The following MLLT3 variants were observed in gnomAD, a reference collection of about 807,000 sequenced individuals.
The protein encoded by MLLT3 is protein AF-9.
A neutral mutation model predicts 53.2 loss-of-function variants in MLLT3; 4 were observed. The observed-to-expected ratio is 0.08, with a 90% CI of 0.04 to 0.17. The LOEUF (loss-of-function observed/expected upper bound fraction) is 0.17. Ranked by LOEUF, MLLT3 falls within the 10% of genes least tolerant of loss-of-function variation. The pLI is 1.00. For synonymous variants in MLLT3, 283 were observed against 230.6 expected (o/e 1.23, Z -2.06); for missense variants, 569 against 684.0 (o/e 0.83, Z 1.87).
At chr9:20,357,596 G>A (rs533101116) in intron 8 of MLLT3, among the ~76,000 whole-genome samples, 1 of 152,306 alleles carries the variant, frequency 6.6e-6, no homozygotes, top group South Asian at 2.1e-4. Flanking sequence ...TCTACTGATA[G>A]ATCTTTCATA....
At chr9:20,358,017 T>TCACA (rs2118623581) in intron 8 of MLLT3, among the ~76,000 whole-genome samples, 1 of 118,016 alleles carries the variant, frequency 8.5e-6, no homozygotes, top group East Asian at 2.5e-4. Context: ...ACACACACAT[T>TCACA]CAAATACGAC....
chr9:20,442,074 TA>T (rs1208073838), intron 4 of MLLT3, among the ~76,000 whole-genome samples: 2 of 152,162 alleles, frequency 1.3e-5, no homozygotes, highest in African/African-American at 4.8e-5. Context: ...ATTTCCAATT[TA>T]AAATACATTA....
At chr9:20,423,262 T>G (rs964500546) in intron 4 of MLLT3, among the ~76,000 whole-genome samples, 2 of 152,116 alleles carry the variant, frequency 1.3e-5, no homozygotes, top group African/African-American at 4.8e-5. Flanking sequence ...AAATCAGCTG[T>G]CAATCTTGCC....
intron 2 of MLLT3, among the ~76,000 whole-genome samples, chr9:20,588,472 G>A (rs1335739799): frequency 6.6e-6 from 1 of 152,298 alleles, no homozygotes; most frequent in African/African-American, 2.4e-5. Flanking sequence ...TCCTACCCAT[G>A]AGCATGGAAC....
chr9:20,550,229 A>G (rs1201112105), intron 2 of MLLT3, among the ~76,000 whole-genome samples: 1 of 152,214 alleles, frequency 6.6e-6, no homozygotes, highest in African/African-American at 2.4e-5. Flanking sequence ...AAAGCACTTC[A>G]TGAGAGAAGT....
chr9:20,589,781 G>C (rs1042103889), intron 2 of MLLT3, among the ~76,000 whole-genome samples: 1 of 150,882 alleles, frequency 6.6e-6, no homozygotes, highest in South Asian at 2.1e-4. Flanking sequence ...TGCAATCTCG[G>C]CTCACTGCAA....
chr9:20,360,915 G>A lies in MLLT3; in HGVS notation c.1332-74C>T. Reference sequence around the variant, plus strand: ...TTGAAATACCCATAGAAATAGGCGTGGAAAGCACAGAATCCAAACACTAAC... The same window carrying A: ...TTGAAATACCCATAGAAATAGGCGTAGAAAGCACAGAATCCAAACACTAAC... On this transcript the variant is annotated intron_variant, in intron 7 of 10. Coordinates refer to ENST00000380338, the MANE Select transcript of MLLT3 (RefSeq NM_004529.4). The A allele has an allele frequency of 8.5e-6, 11 of 1,289,558 alleles. No individual in the cohort carries two copies. In the South Asian group the frequency reaches 1.2e-4, roughly 14 times the overall value. The allele number at this position is 1,289,558 out of a possible 1,614,324, so 79.9% of individuals were successfully genotyped here. A position where few individuals can be genotyped will look rare whatever the true frequency, so the allele number is the denominator to read the frequency against.
Position 20,465,178 on chromosome 9 carries a change from C to T in MLLT3, c.194-8392G>A, listed in dbSNP as rs10964565. On this transcript the variant is annotated intron_variant, in intron 2 of 10. Coordinates refer to ENST00000380338, the MANE Select transcript of MLLT3 (RefSeq NM_004529.4). ...AAGATAACAGGTGAAAAGCTATCTA[C>T]ACAAGGGAGGGAAATAGTGTTGCAG... Among the ~76,000 whole-genome samples the T allele has an allele frequency of 6.0e-3, 912 of 152,106 alleles. 6 individuals carry two copies. The highest frequency in any genetic ancestry group is 0.01 in the Non-Finnish European group (684 of 67,930).
chr9:20,528,364 C>T lies in MLLT3; in HGVS notation c.194-71578G>A, dbSNP rs117261943. Among the ~76,000 whole-genome samples, 235 of 152,250 alleles carry T rather than the reference C, an allele frequency of 1.5e-3. 6 individuals carry two copies. The East Asian group carries it at 0.041, about 26-fold the overall frequency. ...TGCTGTGTAGACAGGGATAGCACAC[C>T]GCCAAAACCCAACTGGTAACAGGAA... On this transcript the variant is annotated intron_variant, in intron 2 of 10. Coordinates refer to ENST00000380338, the MANE Select transcript of MLLT3 (RefSeq NM_004529.4).
At chr9:20,470,852 C>T (rs1824372712) in intron 2 of MLLT3, among the ~76,000 whole-genome samples, 2 of 151,950 alleles carry the variant, frequency 1.3e-5, no homozygotes, top group South Asian at 2.1e-4. Context: ...ACACATACCC[C>T]CTTCTAAATA....
chr9:20,615,929 T>A (rs1408380265), intron 2 of MLLT3, among the ~76,000 whole-genome samples: 1 of 151,620 alleles, frequency 6.6e-6, no homozygotes, highest in Non-Finnish European at 1.5e-5. Flanking sequence ...TGTCACTGTT[T>A]TTAAGAAAAT....
intron 5 of MLLT3, among the ~76,000 whole-genome samples, chr9:20,387,487 G>C (rs1298033590): frequency 6.6e-6 from 1 of 152,152 alleles, no homozygotes; most frequent in Non-Finnish European, 1.5e-5. Context: ...TGGAGGGGAA[G>C]CTTAACTCCT....
At chr9:20,520,839 C>T (rs1167492263) in intron 2 of MLLT3, among the ~76,000 whole-genome samples, 1 of 152,174 alleles carries the variant, frequency 6.6e-6, no homozygotes, top group Admixed American at 6.5e-5. Context: ...GAAGAGAATG[C>T]TGGCCATGGC....
In MLLT3 at chr9:20,448,753, T is replaced by C. The variant is rs1443245114; in HGVS notation, c.277-487A>G. 6.6e-6 allele frequency among the ~76,000 whole-genome samples: 1 copy of C among 152,218 alleles called. No individual in the cohort carries two copies. Among genetic ancestry groups the C allele is most frequent in the Non-Finnish European group, 1.5e-5 (1 of 68,034 alleles). On this transcript the variant is annotated intron_variant, in intron 3 of 10. Coordinates refer to ENST00000380338, the MANE Select transcript of MLLT3 (RefSeq NM_004529.4). The surrounding 1 kb of genome is among the most constrained non-coding windows in gnomAD (Gnocchi z 4.0). The stretch of plus-strand genomic sequence containing the variant: ...TCCATTCAGGCCTTAAGATTATCTA[T>C]ATGAAATAAAAATCTAGCCATTTTC...
intron 10 of MLLT3, among the ~76,000 whole-genome samples, chr9:20,348,914 A>T (rs1425736374): frequency 6.6e-5 from 10 of 152,232 alleles, no homozygotes; most frequent in East Asian, 5.8e-4. Context: ...ATTAAGATCA[A>T]TTGAACTAAG....
At chr9:20,346,957 A>G (rs1425622927) in intron 10 of MLLT3, among the ~76,000 whole-genome samples, 2 of 151,988 alleles carry the variant, frequency 1.3e-5, no homozygotes, top group African/African-American at 4.8e-5. Context: ...AATCCAGCCG[A>G]GAAATAACAA....
At chr9:20,590,256 C>A (rs1820094680) in intron 2 of MLLT3, among the ~76,000 whole-genome samples, 1 of 152,116 alleles carries the variant, frequency 6.6e-6, no homozygotes, top group South Asian at 2.1e-4. Context: ...GGCAGTTGTG[C>A]CTCCCTAGAA....
intron 8 of MLLT3, among the ~76,000 whole-genome samples, chr9:20,359,969 GATTTA>G (rs1336656507): frequency 1.3e-5 from 2 of 152,096 alleles, no homozygotes; most frequent in African/African-American, 2.4e-5. Flanking sequence ...AAAATATCCC[GATTTA>G]ATTTATTTAA....
At chr9:20,599,989 A>G (rs961632550) in intron 2 of MLLT3, among the ~76,000 whole-genome samples, 1 of 152,118 alleles carries the variant, frequency 6.6e-6, no homozygotes, top group African/African-American at 2.4e-5. Context: ...CAGAAATTGC[A>G]AGAACACTGC....
Sources: gnomAD v4.1 joint callset for allele counts (sites outside exome capture counted in the v4.1 genomes callset) on GRCh38, gnomAD v4.1.1 for gene constraint, Gnocchi (gnomAD v3.1) non-coding constraint, MANE v1.5 for transcripts, NCBI Gene and HGNC (gene_info 2026-07-23, HGNC 2026-07-21) for gene names.